The following NPSR1 variants were observed in gnomAD, a reference collection of about 807,000 sequenced individuals.
The protein encoded by NPSR1 is neuropeptide S receptor 1.
NPSR1 carries 48 observed loss-of-function variants against 46.9 expected under a neutral mutation model. That is an observed-to-expected ratio of 1.02 (90% CI 0.81 to 1.30). NPSR1 has a LOEUF of 1.30. Among genes scored for constraint, NPSR1 ranks in the 50% most tolerant of loss-of-function variants. The pLI is 0.00. For synonymous variants in NPSR1, 176 were observed against 168.1 expected (o/e 1.05, Z -0.36); for missense variants, 450 against 449.5 (o/e 1.00, Z -0.01).
chr7:34,810,040 T>G (rs2128750442), intron 3 of NPSR1, among the ~76,000 whole-genome samples: 1 of 152,316 alleles, frequency 6.6e-6, no homozygotes, highest in Middle Eastern at 3.4e-3. Context: ...TTCACAACAT[T>G]AGTGCTGAGA....
chr7:34,697,023 T>C (rs150961307), intron 2 of NPSR1, among the ~76,000 whole-genome samples: 2 of 152,132 alleles, frequency 1.3e-5, no homozygotes, highest in East Asian at 1.9e-4. Flanking sequence ...ACTGATAACA[T>C]GTCTGGGATT....
chr7:34,678,315 G>A (rs763401373), intron 1 of NPSR1, among the ~76,000 whole-genome samples: 19 of 147,726 alleles, frequency 1.3e-4, no homozygotes, highest in Admixed American at 2.8e-4. Flanking sequence ...TCCGCCTCCC[G>A]GGTTCAAGCG....
At chr7:34,791,159 T>TG (rs1562731204) in intron 3 of NPSR1, among the ~76,000 whole-genome samples, 23 of 105,900 alleles carry the variant, frequency 2.2e-4, no homozygotes, top group African/African-American at 7.5e-4. Flanking sequence ...TGTTATATAT[T>TG]ATATATGTTA....
At chr7:34,697,787 A>G (rs999537183) in intron 2 of NPSR1, among the ~76,000 whole-genome samples, 1 of 141,240 alleles carries the variant, frequency 7.1e-6, no homozygotes. Flanking sequence ...ATATAAAATC[A>G]ATCTAAGTTA....
chr7:34,826,722 G>T (rs959603025), intron 4 of NPSR1, among the ~76,000 whole-genome samples: 2 of 152,134 alleles, frequency 1.3e-5, no homozygotes, highest in Middle Eastern at 3.2e-3. Context: ...TTAAAGAAAA[G>T]ATGAGGCTGA....
intron 3 of NPSR1, among the ~76,000 whole-genome samples, chr7:34,809,568 A>C (rs1285146677): frequency 1.4e-5 from 2 of 144,826 alleles, no homozygotes; most frequent in Non-Finnish European, 3.0e-5. Flanking sequence ...GGTTCACGCC[A>C]TTCTCCTGCC....
At chr7:34,871,942 G>A (rs1489932436) in intron 8 of NPSR1, among the ~76,000 whole-genome samples, 1 of 151,820 alleles carries the variant, frequency 6.6e-6, no homozygotes, top group Non-Finnish European at 1.5e-5. Context: ...CTGGAAGGCA[G>A]TGGCCCCCTT....
chr7:34,739,159 G>GT (rs779396361), intron 2 of NPSR1, among the ~76,000 whole-genome samples: 1 of 152,148 alleles, frequency 6.6e-6, no homozygotes, highest in Non-Finnish European at 1.5e-5. Flanking sequence ...CATTTGGGTT[G>GT]TTTCCAGCTT....
At chr7:34,819,257 A>G (rs1419996498) in intron 4 of NPSR1, among the ~76,000 whole-genome samples, 1 of 152,242 alleles carries the variant, frequency 6.6e-6, no homozygotes, top group African/African-American at 2.4e-5. Flanking sequence ...TGGGCAAAGG[A>G]TATGAACAGA....
intron 2 of NPSR1, among the ~76,000 whole-genome samples, chr7:34,693,718 AAC>A (rs1793377054): frequency 6.6e-6 from 1 of 152,172 alleles, no homozygotes; most frequent in Admixed American, 6.5e-5. Context: ...ACAGGCCAAT[AAC>A]CCTGATGGAC....
At chr7:34,813,625 T>C (rs1789100091) in intron 4 of NPSR1, among the ~76,000 whole-genome samples, 1 of 152,146 alleles carries the variant, frequency 6.6e-6, no homozygotes, top group Non-Finnish European at 1.5e-5. Flanking sequence ...ATGCTAGATA[T>C]TGTGTACAGA....
chr7:34,733,151 G>A (rs567619684), intron 2 of NPSR1, among the ~76,000 whole-genome samples: 1 of 152,348 alleles, frequency 6.6e-6, no homozygotes, highest in African/African-American at 2.4e-5. Context: ...GCCAGGTGCA[G>A]TGGCTCATGC....
chr7:34,838,171 G>T (rs1790439538), intron 6 of NPSR1, among the ~76,000 whole-genome samples: 1 of 152,040 alleles, frequency 6.6e-6, no homozygotes, highest in Non-Finnish European at 1.5e-5. Context: ...TCTCTCCAAA[G>T]TTCCCATGTC....
At chr7:34,851,277 A>G (rs1162509501), downstream of NPSR1, among the ~76,000 whole-genome samples, 1 of 150,164 alleles carries the variant, frequency 6.7e-6, no homozygotes, top group Non-Finnish European at 1.5e-5. Context: ...GTGTCAACTC[A>G]AAGTCTGCGT....
chr7:34,666,140 G>A (rs1026481362), intron 1 of NPSR1, among the ~76,000 whole-genome samples: 4 of 152,144 alleles, frequency 2.6e-5, no homozygotes, highest in Non-Finnish European at 4.4e-5. Flanking sequence ...GGAGGGATTC[G>A]TGACATCACA....
chr7:34,731,122 ATTT>A (rs986740449), intron 2 of NPSR1, among the ~76,000 whole-genome samples: 2 of 152,302 alleles, frequency 1.3e-5, no homozygotes, highest in Admixed American at 6.5e-5. Context: ...AATTGTAAAG[ATTT>A]TTTTAATACA....
At chr7:34,796,913 G>A (rs1788199288) in intron 3 of NPSR1, among the ~76,000 whole-genome samples, 1 of 152,146 alleles carries the variant, frequency 6.6e-6, no homozygotes. Context: ...TTCCAAACTT[G>A]GAAGCAACCA....
intron 2 of NPSR1, among the ~76,000 whole-genome samples, chr7:34,747,371 C>A (rs1785259809): frequency 6.6e-6 from 1 of 152,152 alleles, no homozygotes; most frequent in East Asian, 1.9e-4. Context: ...AGGCAGAGAG[C>A]TTGAAACAGC....
At chr7:34,663,118 T>C (rs2530563) in intron 1 of NPSR1, among the ~76,000 whole-genome samples, 37,415 of 140,294 alleles carry the variant, frequency 0.27, 6,978 homozygotes, top group African/African-American at 0.51. Context: ...GGGTAGAGGA[T>C]GGATGGTGAA....
Sources: allele counts gnomAD v4.1 joint callset (sites outside exome capture counted in the v4.1 genomes callset), GRCh38; gene constraint gnomAD v4.1.1; transcripts MANE v1.5; gene names NCBI Gene and HGNC (gene_info 2026-07-23, HGNC 2026-07-21).